The following LRP1 variants were observed in gnomAD, a reference collection of about 807,000 sequenced individuals.
LRP1 encodes prolow-density lipoprotein receptor-related protein 1.
Under a neutral mutation model 541.5 loss-of-function variants are expected in LRP1, and 51 were observed. That is an observed-to-expected ratio of 0.09 (90% CI 0.08 to 0.12). The LOEUF (loss-of-function observed/expected upper bound fraction) is 0.12. Among genes scored for constraint, LRP1 ranks in the 10% least tolerant of loss-of-function variants. LRP1 has a pLI of 1.00. For missense variants in LRP1, 3,878 were observed against 6,376.2 expected, an observed-to-expected ratio of 0.61 and a Z score of 13.34; for synonymous variants, 2,219 against 2,470.8, an observed-to-expected ratio of 0.90 and a Z score of 3.02.
chr12:57,200,890 A>C, intron 64 of LRP1, 75 bp downstream of exon 64: 1 of 1,444,476 alleles, frequency 6.9e-7, no homozygotes, highest in Non-Finnish European at 9.3e-7. Context: ...TTTCAAGTGC[A>C]GGGAAGTTGC....
rs112977380 is a variant in LRP1 at position 57,191,235 on chromosome 12, C to G, written c.7237-85C>G. The G allele has an allele frequency of 2.1e-5, 29 of 1,370,984 alleles. No homozygotes were observed. In the African/African-American group the frequency reaches 3.4e-4, roughly 16 times the overall value. The allele number at this position is 1,370,984 out of a possible 1,614,324, so 84.9% of individuals were successfully genotyped here. ...CTGCGGGCCCTCATTCTGTAGCTGTCAGAGGCCAGGCCAGGCTGTGGTCCG... is the reference window on the plus strand; with the variant it reads ...CTGCGGGCCCTCATTCTGTAGCTGTGAGAGGCCAGGCCAGGCTGTGGTCCG... On this transcript the variant is annotated intron_variant, in intron 43 of 88. Coordinates refer to ENST00000243077, the MANE Select transcript of LRP1 (RefSeq NM_002332.3).
At position 57,212,543 on chromosome 12, in the gene LRP1, C is replaced by A. The variant is rs1272692998; in HGVS notation, c.13623C>A (p.Asp4541Glu). Residue 4541 changes from aspartate to glutamate, a missense_variant, in exon 89 of 89, where the codon GAC becomes GAA. Asp to Glu is a conservative substitution (Grantham distance 45). Coordinates refer to ENST00000243077, the MANE Select transcript of LRP1 (RefSeq NM_002332.3). The surrounding 1 kb of genome is among the most constrained non-coding windows in gnomAD (Gnocchi z 5.0). Reference sequence around the variant, plus strand: ...GGGGCCCTGAGGACGAGATAGGGGACCCCTTGGCATAGGGCCCTGCCCCGT... The same window carrying A: ...GGGGCCCTGAGGACGAGATAGGGGAACCCTTGGCATAGGGCCCTGCCCCGT... ...LGRGPEDEIG[D>E]PLA is the part of the protein sequence containing the mutation. The A allele has an allele frequency of 3.7e-6, 6 of 1,609,146 alleles. No homozygotes were observed. Among genetic ancestry groups the A allele is most frequent in the African/African-American group, 1.3e-5 (1 of 74,850 alleles).
Position 57,179,336 on chromosome 12 carries a change from G to T in LRP1, c.4746G>T (p.Lys1582Asn). Residue 1582 changes from lysine to asparagine, a missense_variant, in exon 29 of 89, where the codon AAG becomes AAT. By Grantham distance (94) the Lys-to-Asn change is moderately conservative. Transcript: ENST00000243077. The surrounding 1 kb of genome is among the most constrained non-coding windows in gnomAD (Gnocchi z 6.8). ...HKDNTTCYEF[K>N]KFLLYARQME... Reference sequence around the variant, plus strand: ...CCAGCCCATGCCCCACAGAGTTTAAGAAGTTCCTGCTGTACGCACGTCAGA... The same window carrying T: ...CCAGCCCATGCCCCACAGAGTTTAATAAGTTCCTGCTGTACGCACGTCAGA... 1 of 1,613,340 alleles carries T rather than the reference G, an allele frequency of 6.2e-7. No homozygotes were observed. Among genetic ancestry groups the T allele is most frequent in the South Asian group, 1.1e-5 (1 of 91,000 alleles).
chr12:57,210,952 C>A, intron 83 of LRP1, 73 bp downstream of exon 83: 1 of 1,539,820 alleles, frequency 6.5e-7, no homozygotes, highest in South Asian at 1.2e-5. Flanking sequence ...GGGTGATGTT[C>A]AACCTGTGCC....
intron 44 of LRP1, among the ~76,000 whole-genome samples, chr12:57,192,521 TC>T (rs1373228921): frequency 1.1e-4 from 16 of 152,036 alleles, no homozygotes; most frequent in Non-Finnish European, 2.2e-4. Flanking sequence ...CCCAGGTGTC[TC>T]CCATGCGCCC....
In LRP1 at chr12:57,183,413, G is replaced by A. The variant is rs867715675; in HGVS notation, c.5697G>A (p.Glu1899=). The A allele has an allele frequency of 6.2e-7, 1 of 1,614,038 alleles. No individual in the cohort carries two copies. Residue 1899 remains glutamate (E), a synonymous_variant, in exon 35 of 89, where the codon GAG becomes GAA. Transcript: ENST00000243077. This position sits in a 1 kb window ranked among gnomAD's most constrained non-coding sequence, Gnocchi z 6.1. ...CCTTTCTCCTGTACTCTGTGCATGA[G>A]GGAATCAGGGGAATTCCCCTGGATC... ...VGSFLLYSVH[E]GIRGIPLDPN...
At chr12:57,209,229 A>C (rs2036855080) in intron 79 of LRP1, 30 bp downstream of exon 79, 1 of 1,567,470 alleles carries the variant, frequency 6.4e-7, no homozygotes. Flanking sequence ...CGCAGTCCCC[A>C]GCCCTGTCCC....
Position 57,141,621 on chromosome 12 carries a change from C to T in LRP1, c.328+110C>T, listed in dbSNP as rs1163696990. The T allele has an allele frequency of 5.1e-6, 7 of 1,372,444 alleles. No individual in the cohort carries two copies. In the Admixed American group the frequency reaches 1.4e-4, roughly 27 times the overall value. 85.0% of individuals were successfully genotyped at this position (1,372,444 alleles called of 1,614,324 possible). A position where few individuals can be genotyped will look rare whatever the true frequency, so the allele number is the denominator to read the frequency against. On this transcript the variant is annotated intron_variant, in intron 3 of 88. Transcript: ENST00000243077. ...GTGGGGATGAGGCCTTGTCCTGGTC[C>T]CCTGCCTAGATTTACCTTCAGAGAG...
rs1484877509 is a variant in LRP1, at chr12:57,181,192, G to A, written c.5563G>A (p.Gly1855Ser). Reference sequence around the variant, plus strand: ...CACCAACCCCTGCAGTGTCAACAACGGTGACTGCTCCCAGCTCTGCCTGCC... The same window carrying A: ...CACCAACCCCTGCAGTGTCAACAACAGTGACTGCTCCCAGCTCTGCCTGCC... ...KGTNPCSVNN[G>S]DCSQLCLPTS... Residue 1855 changes from glycine (G) to serine (S), a missense_variant, in exon 34 of 89, where the codon GGT becomes AGT. By Grantham distance (56) the Gly-to-Ser change is moderately conservative. This residue lies in a region of LRP1 where 394 missense variants were observed against 635.9 expected (regional missense o/e 0.62). Transcript: ENST00000243077. 6.2e-6 allele frequency: 10 copies of A among 1,613,672 alleles called. No individual in the cohort carries two copies. The highest frequency in any genetic ancestry group is 7.6e-6 in the Non-Finnish European group (9 of 1,180,014).
At position 57,197,511 on chromosome 12, in the gene LRP1, C is replaced by A; in HGVS notation, c.9163-34C>A. 1 of 1,613,878 alleles carries A rather than the reference C, an allele frequency of 6.2e-7. No homozygotes were observed. The highest frequency in any genetic ancestry group is 1.1e-5 in the South Asian group (1 of 91,044). ...GCAAATGTGGCCCCTGTTGCCACAA[C>A]CGACTTCTGCTGTCCTTCACTCCCC... On this transcript the variant is annotated intron_variant, in intron 57 of 88. Transcript: ENST00000243077. The surrounding 1 kb of genome is among the most constrained non-coding windows in gnomAD (Gnocchi z 4.5).
chr12:57,200,948 T>C (rs1592657161), intron 64 of LRP1, 86 bp from the exon 65 acceptor site: 1 of 1,599,694 alleles, frequency 6.3e-7, no homozygotes, highest in Non-Finnish European at 8.6e-7. Context: ...GGCTCAAGCC[T>C]GTGTCCTCCC....
intron 78 of LRP1, 87 bp downstream of exon 78, chr12:57,208,904 G>T: frequency 8.2e-7 from 1 of 1,223,312 alleles, no homozygotes; most frequent in South Asian, 1.3e-5. Context: ...ACAAAAGCAA[G>T]GGATGGGATG....
rs1555184305 is a variant in LRP1 at position 57,175,516 on chromosome 12, G to A, written c.3604G>A (p.Glu1202Lys). Reference sequence around the variant, plus strand: ...CCACAACTGCTCAGTGGCACCTGGCGAAGGCATTGTGTGTTCCTGCCCTCT... The same window carrying A: ...CCACAACTGCTCAGTGGCACCTGGCAAAGGCATTGTGTGTTCCTGCCCTCT... ...CSHNCSVAPG[E>K]GIVCSCPLGM... is the part of the protein sequence containing the mutation. The change falls in exon 23 of 89, where the codon GAA becomes AAA. Residue 1202 changes from glutamate to lysine, a missense_variant. By Grantham distance (56) the Glu-to-Lys change is moderately conservative (BLOSUM62 1). Transcript: ENST00000243077. The A allele has an allele frequency of 1.9e-6, 3 of 1,614,056 alleles. No individual in the cohort carries two copies. The highest frequency in any genetic ancestry group is 2.5e-6 in the Non-Finnish European group (3 of 1,180,022).
At chr12:57,200,657 TCCAC>T in intron 63 of LRP1, 38 bp from the exon 64 acceptor site, 2 of 1,579,188 alleles carry the variant, frequency 1.3e-6, no homozygotes, top group Non-Finnish European at 1.7e-6. Context: ...CCTGGCCGTG[TCCAC>T]CCCAGCCGCT....
In LRP1 at chr12:57,156,279, C is replaced by T. The variant is rs1037687415; in HGVS notation, c.1413C>T (p.Pro471=). ...ACATCTACCACCAGAGGCGTCAGCC[C>T]CGAGGTGAGCAGGGCTCCATGGCCC... ...ALHIYHQRRQ[P]RVRSHACEND... Residue 471 remains proline, a synonymous_variant, in exon 9 of 89, where the codon CCC becomes CCT. Transcript: ENST00000243077. This position sits in a 1 kb window ranked among gnomAD's most constrained non-coding sequence, Gnocchi z 5.2. 6.2e-7 allele frequency: 1 copy of T among 1,613,948 alleles called. No homozygotes were observed. Among genetic ancestry groups the T allele is most frequent in the Non-Finnish European group, 8.5e-7 (1 of 1,179,988 alleles).
chr12:57,129,476 G>A (rs1416928387), intron 1 of LRP1, among the ~76,000 whole-genome samples: 1 of 151,974 alleles, frequency 6.6e-6, no homozygotes, highest in African/African-American at 2.4e-5. Context: ...TCTGTAGCTC[G>A]AAAGGGGAGC....
Position 57,175,641 on chromosome 12 carries a change from C to A in LRP1, c.3729C>A (p.Ser1243Arg), listed in dbSNP as rs200442207. ...CSQKCDQNKF[S>R]VKCSCYEGWV... ...AAAAGTGCGACCAGAACAAGTTCAG[C>A]GTGAAGTGCTCCTGCTACGAGGGCT... Residue 1243 changes from serine (S) to arginine (R), a missense_variant, in exon 23 of 89, where the codon AGC becomes AGA. Ser to Arg is a moderately radical substitution (Grantham distance 110, BLOSUM62 -1). Around this residue, in one of 13 missense-constraint regions of LRP1, gnomAD observed 320 missense variants for 547.9 expected, o/e 0.58. Transcript: ENST00000243077. 6.2e-7 allele frequency: 1 copy of A among 1,607,160 alleles called. No individual in the cohort carries two copies. Among genetic ancestry groups the A allele is most frequent in the South Asian group, 1.1e-5 (1 of 90,094 alleles).
At position 57,178,911 on chromosome 12, in the gene LRP1, A is replaced by G; in HGVS notation, c.4628A>G (p.Asn1543Ser). Reference sequence around the variant, plus strand: ...CCAGCTCCCAATCCCTGTGAGGCCAATGGGGGCCAGGGCCCCTGCTCCCAC... The same window carrying G: ...CCAGCTCCCAATCCCTGTGAGGCCAGTGGGGGCCAGGGCCCCTGCTCCCAC... ...QPMAPNPCEA[N>S]GGQGPCSHLC... Residue 1543 changes from asparagine to serine, a missense_variant, in exon 28 of 89, where the codon AAT (asparagine) becomes AGT (serine). Asn to Ser is a conservative substitution (Grantham distance 46). This residue lies in a region of LRP1 where 54 missense variants were observed against 167.7 expected (regional missense o/e 0.32). Coordinates refer to ENST00000243077, the MANE Select transcript of LRP1 (RefSeq NM_002332.3). This position sits in a 1 kb window ranked among gnomAD's most constrained non-coding sequence, Gnocchi z 5.8. 1.9e-6 allele frequency: 3 copies of G among 1,613,548 alleles called. No homozygotes were observed. Among genetic ancestry groups the G allele is most frequent in the African/African-American group, 1.3e-5 (1 of 75,012 alleles).
Position 57,154,963 on chromosome 12 carries a change from T to C in LRP1, c.1227+262T>C. On this transcript the variant is annotated intron_variant, in intron 8 of 88. Coordinates refer to ENST00000243077, the MANE Select transcript of LRP1 (RefSeq NM_002332.3). This position sits in a 1 kb window ranked among gnomAD's most constrained non-coding sequence, Gnocchi z 4.6. Reference sequence around the variant, plus strand: ...CTCATTTGACCCTTATAATAACCCCTAGCTGATGAACAGGGAGGTGGTTCA... The same window carrying C: ...CTCATTTGACCCTTATAATAACCCCCAGCTGATGAACAGGGAGGTGGTTCA... The C allele has an allele frequency of 5.0e-6, 3 of 596,060 alleles. No homozygotes were observed. The highest frequency in any genetic ancestry group is 2.1e-5 in the South Asian group (1 of 48,766). The allele number at this position is 596,060 out of a possible 1,614,324, so 36.9% of individuals were successfully genotyped here. A position where few individuals can be genotyped will look rare whatever the true frequency, so the allele number is the denominator to read the frequency against.
Sources: gnomAD v4.1 joint callset for allele counts (sites outside exome capture counted in the v4.1 genomes callset) on GRCh38, gnomAD v4.1.1 for gene constraint, gnomAD v4.1.1 regional missense constraint, Gnocchi (gnomAD v3.1) non-coding constraint, MANE v1.5 for transcripts, NCBI Gene and HGNC (gene_info 2026-07-23, HGNC 2026-07-21) for gene names.